Variants in ZNF440 observed in about 807,000 individuals in gnomAD.
The protein encoded by ZNF440 is zinc finger protein 440.
In ZNF440, 47 loss-of-function variants were observed where a neutral mutation model predicts 49.7. That is an observed-to-expected ratio of 0.95 (90% CI 0.75 to 1.21). ZNF440 has a LOEUF of 1.21. Among genes scored for constraint, ZNF440 ranks in the 50% most tolerant of loss-of-function variants. ZNF440 has a pLI of 0.00. For missense variants in ZNF440, 703 were observed against 715.0 expected (o/e 0.98, Z 0.19); for synonymous variants, 255 against 237.7 (o/e 1.07, Z -0.67).
Position 11,833,082 on chromosome 19 carries a change from A to C in ZNF440, c.*118A>C. 1.3e-6 allele frequency: 2 copies of C among 1,518,856 alleles called. No individual in the cohort carries two copies. Among genetic ancestry groups the C allele is most frequent in the South Asian group, 1.1e-5 (1 of 87,392 alleles). 94.1% of individuals were successfully genotyped at this position (1,518,856 alleles called of 1,614,324 possible). On this transcript the variant is annotated 3_prime_UTR_variant, in exon 4 of 4. Transcript: ENST00000304060. Reference sequence around the variant, plus strand: ...GGAGAGAAACCCTATGAGTGTAAGCAATGTGGGAAAGCCTTTGTTTCCTTC... The same window carrying C: ...GGAGAGAAACCCTATGAGTGTAAGCCATGTGGGAAAGCCTTTGTTTCCTTC...
chr19:11,832,703 A>G lies in ZNF440; in HGVS notation c.1527A>G (p.Thr509=), dbSNP rs532463596. ...PVPFDIMKGL[T]LERSPINASN... ...CTTTTGATATCATGAAAGGACTCACACTGGAGAGAAGCCCTATAAATGCGA... is the reference window on the plus strand; with the variant it reads ...CTTTTGATATCATGAAAGGACTCACGCTGGAGAGAAGCCCTATAAATGCGA... The change falls in exon 4 of 4, where the codon ACA becomes ACG. Residue 509 remains threonine (T), a synonymous_variant. Transcript: ENST00000304060. The G allele has an allele frequency of 6.2e-5, 100 of 1,613,948 alleles. 1 individual carries two copies. The South Asian group carries it at 9.7e-4, about 16-fold the overall frequency.
rs1227248532 is a variant in ZNF440 at position 11,830,602 on chromosome 19, G to A, written c.131-15G>A. ...ATACTGCCTCAGGACTATTTTTTCTGTGTCTGTATTTTAGGAAAAAGGTGG... is the reference window on the plus strand; with the variant it reads ...ATACTGCCTCAGGACTATTTTTTCTATGTCTGTATTTTAGGAAAAAGGTGG... On this transcript the variant is annotated splice_polypyrimidine_tract_variant and intron_variant, in intron 2 of 3. Coordinates refer to ENST00000304060, the MANE Select transcript of ZNF440 (RefSeq NM_152357.3). 3.7e-6 allele frequency: 6 copies of A among 1,612,050 alleles called. No individual in the cohort carries two copies. The South Asian group carries it at 5.5e-5, about 15-fold the overall frequency.
At position 11,830,360 on chromosome 19, in the gene ZNF440, ACT is replaced by A. The variant is rs931022364; in HGVS notation, c.84_85del (p.Tyr29GlnfsTer24). 1.2e-6 allele frequency: 2 copies of A among 1,613,860 alleles called. No individual in the cohort carries two copies. The highest frequency in any genetic ancestry group is 1.7e-6 in the Non-Finnish European group (2 of 1,180,012). On this transcript the variant is annotated frameshift_variant, in exon 2 of 4. Coordinates refer to ENST00000304060, the MANE Select transcript of ZNF440 (RefSeq NM_152357.3). LOFTEE classifies it high-confidence loss of function. ...WALLDISQRK[L>X]YREVMLETFR... Reference sequence around the variant, plus strand: ...CTTTGCTGGATATTTCCCAGAGGAAACTCTACAGGGAAGTGATGCTGGAAACT... The same window carrying A: ...CTTTGCTGGATATTTCCCAGAGGAAACTACAGGGAAGTGATGCTGGAAACT...
Position 11,832,861 on chromosome 19 carries a change from T to C in ZNF440, c.1685T>C (p.Val562Ala). 1 of 1,612,020 alleles carries C rather than the reference T, an allele frequency of 6.2e-7. No homozygotes were observed. The highest frequency in any genetic ancestry group is 1.7e-4 in the Middle Eastern group (1 of 6,050). The change falls in exon 4 of 4, where the codon GTA (valine) becomes GCA (alanine). Residue 562 changes from valine (V) to alanine (A), a missense_variant. Transcript: ENST00000304060. ...CTGCCCCACACCTTTGAATACGTGGTAGGACACACAATGGAGAGAAGCCCT... is the reference window on the plus strand; with the variant it reads ...CTGCCCCACACCTTTGAATACGTGGCAGGACACACAATGGAGAGAAGCCCT... ...SDLPHTFEYV[V>A]GHTMERSPMH...
At chr19:11,820,567 G>T (rs537996625) in intron 1 of ZNF440, among the ~76,000 whole-genome samples, 5 of 152,284 alleles carry the variant, frequency 3.3e-5, no homozygotes, top group Admixed American at 3.3e-4. Context: ...AGAACGGCCT[G>T]GGGATGACTC....
At chr19:11,816,932 G>A (rs1975739484) in intron 1 of ZNF440, 2 of 152,150 alleles carry the variant, frequency 1.3e-5, no homozygotes, top group Non-Finnish European at 2.9e-5. Flanking sequence ...CACCAGGCCA[G>A]AAGGTATGTT....
rs764249080 is a variant in ZNF440, at chr19:11,832,656, G to C, written c.1480G>C (p.Val494Leu). ...CTATGAATGCAAGCAACGTTCAGTAGTTCCTTCAGTAGTTCCAGTTCCTTT... is the reference window on the plus strand; with the variant it reads ...CTATGAATGCAAGCAACGTTCAGTACTTCCTTCAGTAGTTCCAGTTCCTTT... ...KLYECKQRSV[V>L]PSVVPVPFDI... Residue 494 changes from valine to leucine, a missense_variant, in exon 4 of 4, where the codon GTT becomes CTT. Physicochemically the swap from Val to Leu is conservative, Grantham distance 32. Transcript: ENST00000304060. 1.2e-6 allele frequency: 2 copies of C among 1,612,726 alleles called. No individual in the cohort carries two copies.
intron 1 of ZNF440, among the ~76,000 whole-genome samples, chr19:11,827,910 T>G (rs963242505): frequency 2.6e-5 from 4 of 152,042 alleles, no homozygotes; most frequent in African/African-American, 9.7e-5. Flanking sequence ...TATAGTAGAT[T>G]TTTCTGTGTT....
intron 1 of ZNF440, chr19:11,816,061 C>G (rs1165990482): frequency 1.3e-5 from 2 of 155,044 alleles, no homozygotes; most frequent in Admixed American, 1.3e-4. Flanking sequence ...TAAGTGGTCC[C>G]GAGGCAGCTC....
In ZNF440 at chr19:11,831,843, A is replaced by C; in HGVS notation, c.667A>C (p.Thr223Pro). Residue 223 changes from threonine (T) to proline (P), a missense_variant, in exon 4 of 4, where the codon ACT (threonine) becomes CCT (proline). By Grantham distance (38) the Thr-to-Pro change is conservative. Coordinates refer to ENST00000304060, the MANE Select transcript of ZNF440 (RefSeq NM_152357.3). ...ATATCTTATCCATGAAAGAATTCAC[A>C]CTGGAGAGAAACCATGTGAATGTAA... ...RLYLIHERIHTGEKPCECKQC... is the reference protein window; with the variant it reads ...RLYLIHERIHPGEKPCECKQC... The C allele has an allele frequency of 1.2e-6, 2 of 1,614,140 alleles. No individual in the cohort carries two copies. The highest frequency in any genetic ancestry group is 1.7e-6 in the Non-Finnish European group (2 of 1,179,994).
chr19:11,829,945 A>G (rs2145129473), intron 1 of ZNF440: 1 of 238,456 alleles, frequency 4.2e-6, no homozygotes, highest in Non-Finnish European at 7.9e-6. Context: ...CAACGTGGAG[A>G]GACTCTGTCT....
At chr19:11,827,166 T>C (rs576721110) in intron 1 of ZNF440, among the ~76,000 whole-genome samples, 6 of 150,944 alleles carry the variant, frequency 4.0e-5, no homozygotes, top group Admixed American at 4.0e-4. Context: ...CGGGTTCCAG[T>C]GATTCTCCTG....
intron 1 of ZNF440, chr19:11,817,037 A>G (rs991541921): frequency 6.6e-5 from 10 of 152,250 alleles, no homozygotes; most frequent in South Asian, 2.1e-4. Flanking sequence ...AGATGCAGTC[A>G]CCTTATTTGG....
In ZNF440 at chr19:11,834,082, T is replaced by C; in HGVS notation, c.*1118T>C. On this transcript the variant is annotated 3_prime_UTR_variant, in exon 4 of 4. Transcript: ENST00000304060. ...ATCTTTTTATTCGAAAATTTTACTT[T>C]TCATGCTTCTGTACTTACATTTTTA... The C allele has an allele frequency of 3.4e-6, 1 of 292,418 alleles. No homozygotes were observed. The highest frequency in any genetic ancestry group is 6.7e-6 in the Non-Finnish European group (1 of 149,992). 18.1% of individuals were successfully genotyped at this position (292,418 alleles called of 1,614,324 possible).
chr19:11,818,407 G>C (rs1244652685), intron 1 of ZNF440, among the ~76,000 whole-genome samples: 1 of 152,134 alleles, frequency 6.6e-6, no homozygotes, highest in Non-Finnish European at 1.5e-5. Context: ...TTAGTCTCAA[G>C]ATGGAGCTGA....
rs763505241 is a variant in ZNF440, at chr19:11,831,525, G to A, written c.349G>A (p.Gly117Ser). The change falls in exon 4 of 4, where the codon GGT (glycine) becomes AGT (serine). Residue 117 changes from glycine to serine, a missense_variant. Physicochemically the swap from Gly to Ser is moderately conservative, Grantham distance 56. Transcript: ENST00000304060. ...CTTTGTGTGTGGAGAAGTTGGCCTA[G>A]GTAACTCATCTTTTAATATGAACAT... ...ESFVCGEVGLGNSSFNMNIRG... is the reference protein window; with the variant it reads ...ESFVCGEVGLSNSSFNMNIRG... 8 of 1,613,990 alleles carry A rather than the reference G, an allele frequency of 5.0e-6. No individual in the cohort carries two copies. The highest frequency in any genetic ancestry group is 6.8e-6 in the Non-Finnish European group (8 of 1,179,952).
intron 1 of ZNF440, among the ~76,000 whole-genome samples, chr19:11,823,908 G>A (rs1285505815): frequency 2.6e-5 from 4 of 152,024 alleles, no homozygotes; most frequent in Non-Finnish European, 4.4e-5. Flanking sequence ...GTTGCGGTAA[G>A]CCAAGATCAC....
At chr19:11,828,043 C>T (rs1010442293) in intron 1 of ZNF440, among the ~76,000 whole-genome samples, 1 of 151,998 alleles carries the variant, frequency 6.6e-6, no homozygotes, top group Non-Finnish European at 1.5e-5. Flanking sequence ...GAATTGCCGA[C>T]GTGTGAAAAA....
rs201988617 is a variant in ZNF440 at position 11,832,075 on chromosome 19, G to A, written c.899G>A (p.Arg300His). The change falls in exon 4 of 4, where the codon CGT (arginine) becomes CAT (histidine). Residue 300 changes from arginine (R) to histidine (H), a missense_variant. Coordinates refer to ENST00000304060, the MANE Select transcript of ZNF440 (RefSeq NM_152357.3). ...GKAFTCPRYVRIHERTHSRKN... is the reference protein window; with the variant it reads ...GKAFTCPRYVHIHERTHSRKN... Reference sequence around the variant, plus strand: ...GCATTCACGTGTCCCCGTTATGTTCGTATACATGAAAGGACCCACTCTAGG... The same window carrying A: ...GCATTCACGTGTCCCCGTTATGTTCATATACATGAAAGGACCCACTCTAGG... 766 of 1,614,114 alleles carry A rather than the reference G, an allele frequency of 4.7e-4. No homozygotes were observed. The highest frequency in any genetic ancestry group is 6.0e-4 in the Non-Finnish European group (706 of 1,179,996).
Sources: gnomAD v4.1 joint callset for allele counts (sites outside exome capture counted in the v4.1 genomes callset) on GRCh38, gnomAD v4.1.1 for gene constraint, MANE v1.5 for transcripts, NCBI Gene and HGNC (gene_info 2026-07-23, HGNC 2026-07-21) for gene names.